CNTLN: variants seen among roughly 807,000 people sequenced by gnomAD.
CNTLN encodes the protein centlein, centrosomal protein.
In CNTLN, 212 loss-of-function variants were observed where a neutral mutation model predicts 180.0. That is an observed-to-expected ratio of 1.18 (90% confidence interval 1.05 to 1.32). The LOEUF is 1.32. CNTLN is among the 40% of genes most tolerant of loss of function. The pLI, the probability that CNTLN is intolerant of heterozygous loss-of-function variation, is 0.00. For synonymous variants in CNTLN, 722 were observed against 563.1 expected, an observed-to-expected ratio of 1.28 and a Z score of -3.99; for missense variants, 2,095 against 1,610.9, an observed-to-expected ratio of 1.30 and a Z score of -5.14.
intron 23 of CNTLN, among the ~76,000 whole-genome samples, chr9:17,481,768 C>G (rs1175351647): frequency 1.3e-5 from 2 of 152,214 alleles, no homozygotes; most frequent in African/African-American, 4.8e-5. Flanking sequence ...GGAAGCAATT[C>G]TAGAGCCTAG....
At position 17,480,976 on chromosome 9, in the gene CNTLN, A is replaced by G. The variant is rs1832613686; in HGVS notation, c.3856-3319A>G. ...AAATTTGTCAAGTCCTTGCCTAGAC[A>G]GGGAGCCAAGCTGACAATCTTGCCA... On this transcript the variant is annotated intron_variant, in intron 23 of 25. Coordinates refer to ENST00000380647, the MANE Select transcript of CNTLN (RefSeq NM_017738.4). Among the ~76,000 whole-genome samples, 4 of 152,208 alleles carry G rather than the reference A, an allele frequency of 2.6e-5. No homozygotes were observed. In the South Asian group the frequency reaches 8.3e-4, roughly 32 times the overall value.
chr9:17,191,568 T>C (rs957603801), intron 2 of CNTLN, among the ~76,000 whole-genome samples: 1 of 152,192 alleles, frequency 6.6e-6, no homozygotes, highest in Admixed American at 6.5e-5. Context: ...ATTTCTGTAT[T>C]TTGGAATAGA....
At chr9:17,294,482 G>T (rs1817653987) in intron 6 of CNTLN, among the ~76,000 whole-genome samples, 1 of 151,352 alleles carries the variant, frequency 6.6e-6, no homozygotes, top group Non-Finnish European at 1.5e-5. Flanking sequence ...AAACCCTGAG[G>T]TAGACACACG....
chr9:17,372,539 C>A (rs76251272), intron 13 of CNTLN, among the ~76,000 whole-genome samples: 1,736 of 152,178 alleles, frequency 0.011, 37 homozygotes, highest in African/African-American at 0.039. Context: ...CTGAACTCTA[C>A]CAGACATTTA....
At chr9:17,341,256 C>T (rs181291765) in intron 11 of CNTLN, among the ~76,000 whole-genome samples, 51 of 152,046 alleles carry the variant, frequency 3.4e-4, no homozygotes, top group Admixed American at 1.8e-3. Flanking sequence ...GGTTAATATC[C>T]GTGTGATTGA....
At chr9:17,345,432 T>G (rs542369888) in intron 12 of CNTLN, among the ~76,000 whole-genome samples, 7 of 152,258 alleles carry the variant, frequency 4.6e-5, no homozygotes, top group African/African-American at 1.7e-4. Context: ...CCTGTTTGTT[T>G]CCTCTGTTTC....
chr9:17,490,305 A>G (rs1833090054), intron 25 of CNTLN, among the ~76,000 whole-genome samples: 1 of 152,092 alleles, frequency 6.6e-6, no homozygotes, highest in Admixed American at 6.6e-5. Context: ...ACAGATTGTG[A>G]TCTACATTCT....
the CNTLN span, among the ~76,000 whole-genome samples, chr9:17,515,164 A>C: frequency 6.6e-6 from 1 of 152,148 alleles, no homozygotes; most frequent in Non-Finnish European, 1.5e-5. Context: ...TCCGTCAGCA[A>C]CATTTGGCCC....
chr9:17,276,747 A>C (rs1828336627), intron 6 of CNTLN, among the ~76,000 whole-genome samples: 1 of 152,144 alleles, frequency 6.6e-6, no homozygotes, highest in African/African-American at 2.4e-5. Flanking sequence ...ACTTATGTGC[A>C]TCCTCCTGTA....
intron 7 of CNTLN, among the ~76,000 whole-genome samples, chr9:17,305,764 G>A (rs1818662621): frequency 6.6e-6 from 1 of 152,068 alleles, no homozygotes; most frequent in Non-Finnish European, 1.5e-5. Context: ...AATGGCTGGA[G>A]GACTATCTTT....
chr9:17,253,422 T>G (rs1826276242), intron 5 of CNTLN, among the ~76,000 whole-genome samples: 1 of 151,730 alleles, frequency 6.6e-6, no homozygotes, highest in Admixed American at 6.6e-5. Flanking sequence ...CTTGTTTGTG[T>G]CCTCTTCAAT....
intron 18 of CNTLN, among the ~76,000 whole-genome samples, chr9:17,436,756 G>A (rs972761964): frequency 1.3e-5 from 2 of 152,062 alleles, no homozygotes; most frequent in Non-Finnish European, 2.9e-5. Context: ...CAGAGCCATT[G>A]TTTTTTTCCT....
intron 5 of CNTLN, among the ~76,000 whole-genome samples, chr9:17,272,367 G>A (rs1195070438): frequency 1.3e-5 from 2 of 152,152 alleles, no homozygotes; most frequent in African/African-American, 2.4e-5. Flanking sequence ...GAGTCACTGC[G>A]CCTGGCCAGA....
intron 15 of CNTLN, among the ~76,000 whole-genome samples, chr9:17,402,526 C>T (rs1329161432): frequency 6.6e-6 from 1 of 151,860 alleles, no homozygotes; most frequent in East Asian, 1.9e-4. Context: ...GGTTATGTAT[C>T]AACTTGTTAT....
chr9:17,419,371 A>G (rs1467723595), intron 18 of CNTLN, among the ~76,000 whole-genome samples: 4 of 152,182 alleles, frequency 2.6e-5, no homozygotes, highest in African/African-American at 9.6e-5. Flanking sequence ...AAAATTAAGT[A>G]TAAATCTTTT....
chr9:17,275,465 T>C (rs1307620138), intron 6 of CNTLN, among the ~76,000 whole-genome samples: 1 of 152,130 alleles, frequency 6.6e-6, no homozygotes, highest in African/African-American at 2.4e-5. Context: ...CATGTACATA[T>C]TTCACAGATG....
intron 21 of CNTLN, 76 bp downstream of exon 21, chr9:17,464,699 TCCTAA>T: frequency 2.2e-6 from 2 of 929,124 alleles, no homozygotes; most frequent in Non-Finnish European, 3.1e-6. Flanking sequence ...AAACATTTAA[TCCTAA>T]TAAATGTATA....
At chr9:17,365,091 G>T (rs1337714403) in intron 12 of CNTLN, among the ~76,000 whole-genome samples, 1 of 152,150 alleles carries the variant, frequency 6.6e-6, no homozygotes, top group Non-Finnish European at 1.5e-5. Flanking sequence ...ATATGGTTTG[G>T]ATTTGTGTCC....
At chr9:17,259,577 A>G (rs1179507572) in intron 5 of CNTLN, among the ~76,000 whole-genome samples, 6 of 150,708 alleles carry the variant, frequency 4.0e-5, no homozygotes, top group Non-Finnish European at 7.4e-5. Flanking sequence ...TACCTCTGGT[A>G]GAATTCGGCT....
Sources: allele counts gnomAD v4.1 joint callset (sites outside exome capture counted in the v4.1 genomes callset), GRCh38; gene constraint gnomAD v4.1.1; transcripts MANE v1.5; gene names NCBI Gene and HGNC (gene_info 2026-07-23, HGNC 2026-07-21).